The following PPARGC1A variants were observed in gnomAD, a reference collection of about 807,000 sequenced individuals.
PPARGC1A encodes the protein peroxisome proliferator-activated receptor gamma coactivator 1-alpha.
In PPARGC1A, 25 loss-of-function variants were observed where a neutral mutation model predicts 88.7. That is an observed-to-expected ratio of 0.28 (90% CI 0.21 to 0.39). The LOEUF (loss-of-function observed/expected upper bound fraction) is 0.39, where lower values mean the gene tolerates loss of function less well. Among genes scored for constraint, PPARGC1A ranks in the 10% least tolerant of loss-of-function variants. PPARGC1A has a pLI of 1.00. For missense variants in PPARGC1A, 880 were observed against 968.7 expected, an observed-to-expected ratio of 0.91 and a Z score of 1.22; for synonymous variants, 363 against 355.6, an observed-to-expected ratio of 1.02 and a Z score of -0.24.
At chr4:24,351,731 C>A in the PPARGC1A span, among the ~76,000 whole-genome samples, 2 of 151,864 alleles carry the variant, frequency 1.3e-5, no homozygotes, top group African/African-American at 2.4e-5. Flanking sequence ...AAATAAAAAG[C>A]CGTCATGGTA....
the PPARGC1A span, among the ~76,000 whole-genome samples, chr4:23,975,446 C>A: frequency 6.6e-6 from 1 of 150,786 alleles, no homozygotes; most frequent in Non-Finnish European, 1.5e-5. Context: ...GAGACAGAGT[C>A]TTGCTCTGTT....
At chr4:24,028,210 G>A in the PPARGC1A span, among the ~76,000 whole-genome samples, 1 of 152,150 alleles carries the variant, frequency 6.6e-6, no homozygotes, top group South Asian at 2.1e-4. Flanking sequence ...CTGCCACAGG[G>A]TTTGGAAATA....
At chr4:23,824,089 G>A (rs917005019) in intron 7 of PPARGC1A, among the ~76,000 whole-genome samples, 191 bp downstream of exon 7, 18 of 149,074 alleles carry the variant, frequency 1.2e-4, no homozygotes, top group African/African-American at 4.4e-4. Context: ...TTTTTTAAGC[G>A]CTTCAATATT....
the PPARGC1A span, among the ~76,000 whole-genome samples, chr4:24,470,135 C>T: frequency 6.6e-6 from 1 of 152,108 alleles, no homozygotes; most frequent in South Asian, 2.1e-4. The surrounding 1 kb of genome is among the most constrained non-coding windows in gnomAD (Gnocchi z 5.8). Context: ...ACGCCTCTGA[C>T]TCCAGGACTG....
intron 2 of PPARGC1A, chr4:23,882,555 C>T (rs1480740261): frequency 6.6e-6 from 1 of 152,138 alleles, no homozygotes; most frequent in Non-Finnish European, 1.5e-5. Flanking sequence ...AACAACCAAA[C>T]ATGCCTCCAG....
chr4:24,130,377 A>T, the PPARGC1A span, among the ~76,000 whole-genome samples: 9 of 152,312 alleles, frequency 5.9e-5, no homozygotes, highest in South Asian at 1.9e-3. Flanking sequence ...GGGCAATCTG[A>T]GACCAAAAAC....
At chr4:24,373,907 C>T in the PPARGC1A span, among the ~76,000 whole-genome samples, 1 of 152,162 alleles carries the variant, frequency 6.6e-6, no homozygotes, top group South Asian at 2.1e-4. Context: ...ACAAATAAAT[C>T]ACTGAGGAAC....
At chr4:23,934,530 G>A in the PPARGC1A span, among the ~76,000 whole-genome samples, 177 of 152,314 alleles carry the variant, frequency 1.2e-3, 1 homozygote, top group African/African-American at 3.7e-3. Flanking sequence ...AATTGGGATT[G>A]TAATCTGTGG....
At chr4:23,940,713 T>C in the PPARGC1A span, among the ~76,000 whole-genome samples, 1 of 152,114 alleles carries the variant, frequency 6.6e-6, no homozygotes, top group South Asian at 2.1e-4. Context: ...TGTAGTTAGT[T>C]AGCTCATGGA....
chr4:24,058,002 AG>A, the PPARGC1A span, among the ~76,000 whole-genome samples: 1 of 152,216 alleles, frequency 6.6e-6, no homozygotes, highest in East Asian at 1.9e-4. Context: ...ATTGGAGAGA[AG>A]GGAAGCAACC....
chr4:23,852,560 T>TA (rs1429180862), intron 2 of PPARGC1A, among the ~76,000 whole-genome samples: 2 of 152,128 alleles, frequency 1.3e-5, no homozygotes, highest in Non-Finnish European at 2.9e-5. Context: ...ATTGTCGTTT[T>TA]AAAAATCCAC....
At chr4:24,109,501 T>C in the PPARGC1A span, among the ~76,000 whole-genome samples, 1 of 152,192 alleles carries the variant, frequency 6.6e-6, no homozygotes, top group African/African-American at 2.4e-5. Context: ...GGATAAATAT[T>C]TGTTGAACAA....
the PPARGC1A span, among the ~76,000 whole-genome samples, chr4:24,182,172 G>T: frequency 6.6e-6 from 1 of 152,086 alleles, no homozygotes; most frequent in Non-Finnish European, 1.5e-5. Context: ...ACAGGCTTCG[G>T]TGTGTGATGT....
At chr4:23,847,722 G>A (rs978939800) in intron 2 of PPARGC1A, among the ~76,000 whole-genome samples, 4 of 152,062 alleles carry the variant, frequency 2.6e-5, no homozygotes, top group Non-Finnish European at 5.9e-5. Context: ...ATTATGAAAC[G>A]AATCAAGACA....
chr4:24,387,733 CAAGAAAGA>C, the PPARGC1A span, among the ~76,000 whole-genome samples: 4 of 90,234 alleles, frequency 4.4e-5, no homozygotes, highest in East Asian at 1.2e-3. Context: ...GAGATTCCAT[CAAGAAAGA>C]AAGAAAGAGA....
the PPARGC1A span, among the ~76,000 whole-genome samples, chr4:24,215,814 C>G: frequency 6.6e-6 from 1 of 152,172 alleles, no homozygotes; most frequent in African/African-American, 2.4e-5. Flanking sequence ...CTATACTAAG[C>G]AGATTGGCTT....
the PPARGC1A span, among the ~76,000 whole-genome samples, chr4:23,987,312 G>A: frequency 6.6e-6 from 1 of 151,968 alleles, no homozygotes; most frequent in Admixed American, 6.6e-5. Flanking sequence ...TTTGTAGCAG[G>A]ATTTCTTTTA....
the PPARGC1A span, among the ~76,000 whole-genome samples, chr4:24,310,196 G>A: frequency 6.6e-5 from 10 of 152,164 alleles, no homozygotes; most frequent in Non-Finnish European, 1.3e-4. Context: ...GGTTGGAGTT[G>A]AAAATGTGGC....
chr4:24,082,201 CT>C, the PPARGC1A span, among the ~76,000 whole-genome samples: 1 of 152,182 alleles, frequency 6.6e-6, no homozygotes, highest in East Asian at 1.9e-4. Context: ...GGCACTGCCC[CT>C]GAGTCCCAAG....
Sources: gnomAD v4.1 joint callset for allele counts (sites outside exome capture counted in the v4.1 genomes callset) on GRCh38, gnomAD v4.1.1 for gene constraint, Gnocchi (gnomAD v3.1) non-coding constraint, MANE v1.5 for transcripts, NCBI Gene and HGNC (gene_info 2026-07-23, HGNC 2026-07-21) for gene names.